Variants in PRKN observed in about 807,000 individuals in gnomAD.
The protein encoded by PRKN is parkin RBR E3 ubiquitin protein ligase.
PRKN carries 56 observed loss-of-function variants against 59.5 expected under a neutral mutation model. That is an observed-to-expected ratio of 0.94 (90% CI 0.76 to 1.18). The LOEUF is 1.18. PRKN is among the 50% of genes most tolerant of loss of function. The pLI is 0.00. For missense variants in PRKN, 657 were observed against 596.4 expected (o/e 1.10, Z -1.06); for synonymous variants, 250 against 222.1 (o/e 1.13, Z -1.12).
intron 2 of PRKN, among the ~76,000 whole-genome samples, chr6:162,410,124 T>C (rs1788278100): frequency 1.3e-5 from 2 of 152,196 alleles, no homozygotes; most frequent in South Asian, 4.1e-4. Flanking sequence ...TGTAGAGATC[T>C]GTGAATGCCT....
intron 2 of PRKN, among the ~76,000 whole-genome samples, chr6:162,267,805 G>C (rs191004642): frequency 6.6e-6 from 1 of 152,012 alleles, no homozygotes; most frequent in South Asian, 2.1e-4. Context: ...ACATCCATGG[G>C]AGTTTTTTTT....
chr6:161,680,750 TATATATATATATATATATATA>T lies in PRKN; in HGVS notation c.871+105001_871+105021del, dbSNP rs1469383539. ...ACATATATATATATATATATATATA[TATATATATATATATATATATA>T]TATATTTTTTTTTTTTTTTCTTTTC... On this transcript the variant is annotated intron_variant, in intron 7 of 11. Transcript: ENST00000366898. 7.0e-4 allele frequency among the ~76,000 whole-genome samples: 14 copies of T among 19,974 alleles called. No homozygotes were observed. In the East Asian group the frequency reaches 0.01, roughly 14 times the overall value. 13.1% of individuals were successfully genotyped at this position (19,974 alleles called of 152,430 possible). A position where few individuals can be genotyped will look rare whatever the true frequency, so the allele number is the denominator to read the frequency against.
intron 6 of PRKN, among the ~76,000 whole-genome samples, chr6:161,920,850 T>C (rs1778760116): frequency 6.6e-6 from 1 of 151,846 alleles, no homozygotes; most frequent in Admixed American, 6.6e-5. Flanking sequence ...CTTACAGTAC[T>C]CCAAGTTGCT....
At chr6:162,223,970 T>C (rs774784030) in intron 3 of PRKN, among the ~76,000 whole-genome samples, 4 of 152,154 alleles carry the variant, frequency 2.6e-5, no homozygotes, top group African/African-American at 4.8e-5. Context: ...TTGGCTGTGT[T>C]CGTGGTGTGG....
intron 7 of PRKN, among the ~76,000 whole-genome samples, chr6:161,675,316 C>T (rs1207329445): frequency 6.6e-6 from 1 of 152,122 alleles, no homozygotes; most frequent in Non-Finnish European, 1.5e-5. Flanking sequence ...ACTACGGTCA[C>T]ATAAGGTATC....
At chr6:161,971,820 CAG>C (rs1181683323) in intron 6 of PRKN, among the ~76,000 whole-genome samples, 1 of 152,114 alleles carries the variant, frequency 6.6e-6, no homozygotes, top group Admixed American at 6.6e-5. Flanking sequence ...CACGAAATCA[CAG>C]AGTTTAAAGC....
At chr6:162,004,883 AT>A (rs1295241916) in intron 5 of PRKN, among the ~76,000 whole-genome samples, 1 of 152,210 alleles carries the variant, frequency 6.6e-6, no homozygotes, top group Non-Finnish European at 1.5e-5. Context: ...GCTCAGTGGG[AT>A]AAATTGTATT....
At chr6:161,876,484 T>C (rs1044379983) in intron 6 of PRKN, among the ~76,000 whole-genome samples, 2 of 152,118 alleles carry the variant, frequency 1.3e-5, no homozygotes, top group African/African-American at 4.8e-5. Context: ...GCTAATTTTT[T>C]AAATGTTTTG....
intron 7 of PRKN, among the ~76,000 whole-genome samples, chr6:161,775,595 C>T (rs74944903): frequency 0.043 from 6,540 of 152,052 alleles, 455 homozygotes; most frequent in African/African-American, 0.14. Context: ...TGCGTGTTGG[C>T]CATTTGCATA....
rs1157458089 is a variant in PRKN, at chr6:161,530,203, A to G, written c.1083+18651T>C. ...ACAGGAAAGAGAACAAAGAGAACAA[A>G]AACTACTTGGATTGTCTGGAGGTCA... On this transcript the variant is annotated intron_variant, in intron 9 of 11. Transcript: ENST00000366898. This position sits in a 1 kb window ranked among gnomAD's most constrained non-coding sequence, Gnocchi z 5.0. Among the ~76,000 whole-genome samples the G allele has an allele frequency of 6.6e-6, 1 of 152,178 alleles. No individual in the cohort carries two copies. The highest frequency in any genetic ancestry group is 2.4e-5 in the African/African-American group (1 of 41,456).
chr6:161,736,513 C>T (rs995800825), intron 7 of PRKN, among the ~76,000 whole-genome samples: 9 of 152,158 alleles, frequency 5.9e-5, no homozygotes, highest in African/African-American at 1.7e-4. Context: ...TGCAACCAGC[C>T]TGCCATTCAC....
Position 161,738,286 on chromosome 6 carries a change from T to C in PRKN, c.871+47486A>G, listed in dbSNP as rs534909433. On this transcript the variant is annotated intron_variant, in intron 7 of 11. Transcript: ENST00000366898. ...GGAAAACACCTTTGTCACTCGAAGGTGTATTCAAGCCAACAGACGATTCTA... is the reference window on the plus strand; with the variant it reads ...GGAAAACACCTTTGTCACTCGAAGGCGTATTCAAGCCAACAGACGATTCTA... 9.9e-4 allele frequency among the ~76,000 whole-genome samples: 150 copies of C among 152,262 alleles called. 2 individuals are homozygous for C. The highest frequency in any genetic ancestry group is 3.2e-3 in the African/African-American group (131 of 41,552).
chr6:161,918,210 A>G lies in PRKN; in HGVS notation c.734+55092T>C, dbSNP rs113877001. Among the ~76,000 whole-genome samples the G allele has an allele frequency of 1.9e-3, 294 of 152,338 alleles. 1 individual carries two copies. Among genetic ancestry groups the G allele is most frequent in the African/African-American group, 6.9e-3 (286 of 41,584 alleles). On this transcript the variant is annotated intron_variant, in intron 6 of 11. Coordinates refer to ENST00000366898, the MANE Select transcript of PRKN (RefSeq NM_004562.3). ...ACCTGGGCTCATGGGTAATCAATTC[A>G]CATATTTACCATGGAAACAACAGTA...
At chr6:162,409,277 G>C (rs982118551) in intron 2 of PRKN, among the ~76,000 whole-genome samples, 1 of 151,696 alleles carries the variant, frequency 6.6e-6, no homozygotes, top group Non-Finnish European at 1.5e-5. Flanking sequence ...CGATCCTCCT[G>C]CCTCAACCTC....
chr6:161,823,770 C>G (rs938468341), intron 6 of PRKN, among the ~76,000 whole-genome samples: 1 of 152,156 alleles, frequency 6.6e-6, no homozygotes, highest in Non-Finnish European at 1.5e-5. Flanking sequence ...GGTTTTTCTG[C>G]GAACTGCTGA....
Position 161,440,908 on chromosome 6 carries a change from C to T in PRKN, c.1084-54031G>A, listed in dbSNP as rs1326002981. Among the ~76,000 whole-genome samples the T allele has an allele frequency of 6.6e-6, 1 of 152,024 alleles. No individual in the cohort carries two copies. Among genetic ancestry groups the T allele is most frequent in the African/African-American group, 2.4e-5 (1 of 41,370 alleles). On this transcript the variant is annotated intron_variant, in intron 9 of 11. Transcript: ENST00000366898. This position sits in a 1 kb window ranked among gnomAD's most constrained non-coding sequence, Gnocchi z 4.1. Reference sequence around the variant, plus strand: ...TGATAAGAGGCTGAACTGAAGGTGTCCCTAGAAAATTTAAGACTAAAATGT... The same window carrying T: ...TGATAAGAGGCTGAACTGAAGGTGTTCCTAGAAAATTTAAGACTAAAATGT...
In PRKN at chr6:161,545,412, G is replaced by T. The variant is rs1232790620; in HGVS notation, c.1083+3442C>A. The T allele has an allele frequency of 2.5e-6, 4 of 1,612,090 alleles. No homozygotes were observed. The highest frequency in any genetic ancestry group is 3.4e-6 in the Non-Finnish European group (4 of 1,179,276). On this transcript the variant is annotated intron_variant, in intron 9 of 11. Coordinates refer to ENST00000366898, the MANE Select transcript of PRKN (RefSeq NM_004562.3). This position sits in a 1 kb window ranked among gnomAD's most constrained non-coding sequence, Gnocchi z 4.1. ...GAGGCACTCACTTCTCCCTGAGGCA[G>T]CTTATTTTGTTCTTCGTTGTCCATA...
Position 161,899,082 on chromosome 6 carries a change from C to T in PRKN, c.734+74220G>A, listed in dbSNP as rs529084730. On this transcript the variant is annotated intron_variant, in intron 6 of 11. Coordinates refer to ENST00000366898, the MANE Select transcript of PRKN (RefSeq NM_004562.3). ...GCAGCCCTTGGCTGCCTTCAAGGAC[C>T]GGCCAGAGTCAGCATCCTCCACCCC... Among the ~76,000 whole-genome samples, 11 of 152,334 alleles carry T rather than the reference C, an allele frequency of 7.2e-5. No individual in the cohort carries two copies. The East Asian group carries it at 9.7e-4, about 13-fold the overall frequency.
At chr6:162,413,310 G>T (rs961597409) in intron 2 of PRKN, among the ~76,000 whole-genome samples, 5 of 152,126 alleles carry the variant, frequency 3.3e-5, no homozygotes, top group African/African-American at 1.2e-4. Context: ...GCTTGCAAGA[G>T]TAAATGATTT....
Sources: gnomAD v4.1 joint callset for allele counts (sites outside exome capture counted in the v4.1 genomes callset) on GRCh38, gnomAD v4.1.1 for gene constraint, Gnocchi (gnomAD v3.1) non-coding constraint, MANE v1.5 for transcripts, NCBI Gene and HGNC (gene_info 2026-07-23, HGNC 2026-07-21) for gene names.